Variants in MID1 observed in about 807,000 individuals in gnomAD.
MID1 encodes midline 1, also known as E3 ubiquitin-protein ligase Midline-1.
Under a neutral mutation model 40.4 loss-of-function variants are expected in MID1, and 7 were observed. The observed-to-expected ratio is 0.17, with a 90% CI of 0.10 to 0.33. The LOEUF (loss-of-function observed/expected upper bound fraction) is 0.33, where lower values mean the gene tolerates loss of function less well. Among genes scored for constraint, MID1 ranks in the 10% least tolerant of loss-of-function variants. The pLI is 1.00. For synonymous variants in MID1, 229 were observed against 221.2 expected, an observed-to-expected ratio of 1.04 and a Z score of -0.31; for missense variants, 367 against 558.5, an observed-to-expected ratio of 0.66 and a Z score of 3.46.
intron 1 of MID1, among the ~76,000 whole-genome samples, chrX:10,789,551 G>A (rs1306346232): frequency 8.9e-6 from 1 of 112,336 alleles, no homozygotes; most frequent in Non-Finnish European, 1.9e-5. Context: ...CACATGCTGT[G>A]CAGGTTTGTA....
intron 2 of MID1, among the ~76,000 whole-genome samples, chrX:10,558,590 AT>A (rs1934215114): frequency 8.8e-6 from 1 of 113,050 alleles, no homozygotes; most frequent in South Asian, 3.6e-4. Context: ...TGGTTAAAAA[AT>A]ATTTGGCAGT....
At chrX:10,766,749 G>A (rs1416411416) in intron 1 of MID1, among the ~76,000 whole-genome samples, 10 of 108,965 alleles carry the variant, frequency 9.2e-5, no homozygotes, top group Admixed American at 2.0e-4. Context: ...GTGAAACCTC[G>A]TCTCCATAAA....
intron 1 of MID1, among the ~76,000 whole-genome samples, chrX:10,718,476 A>C (rs1373142435): frequency 1.8e-5 from 2 of 111,634 alleles, no homozygotes; most frequent in East Asian, 2.8e-4. Context: ...TGACACATAC[A>C]CTCTCCCAAG....
chrX:10,555,915 C>T (rs1318072063), intron 2 of MID1, among the ~76,000 whole-genome samples: 1 of 110,775 alleles, frequency 9.0e-6, no homozygotes, highest in African/African-American at 3.3e-5. Flanking sequence ...AGGGCCCCTA[C>T]AGTGGAGGAG....
At chrX:10,536,267 C>G (rs1933250174) in intron 2 of MID1, among the ~76,000 whole-genome samples, 1 of 111,363 alleles carries the variant, frequency 9.0e-6, no homozygotes, top group African/African-American at 3.3e-5. Context: ...ACCTAGTATT[C>G]TGCTTCTTTG....
chrX:10,477,083 C>T (rs112213568), intron 5 of MID1, among the ~76,000 whole-genome samples: 5,026 of 111,967 alleles, frequency 0.045, 298 homozygotes, highest in African/African-American at 0.16. Flanking sequence ...CCATTTGAAC[C>T]CTTAAAAGAT....
chrX:10,628,924 T>C (rs1440326365), intron 1 of MID1, among the ~76,000 whole-genome samples: 1 of 111,801 alleles, frequency 8.9e-6, no homozygotes, highest in Non-Finnish European at 1.9e-5. Context: ...AATCCATCTC[T>C]CAAACTCGAG....
chrX:10,762,795 T>C, intron 1 of MID1, among the ~76,000 whole-genome samples: 1 of 111,627 alleles, frequency 9.0e-6, no homozygotes, highest in Non-Finnish European at 1.9e-5. Context: ...ACGTATTCCT[T>C]AAATATGTTC....
rs755095550 is a variant in MID1 at position 10,593,313 on chromosome X, T to C, written c.-56-25710A>G. On this transcript the variant is annotated intron_variant, in intron 1 of 9. Coordinates refer to ENST00000317552, the MANE Select transcript of MID1 (RefSeq NM_000381.4). ...AAAGACTATGGAATACTTTGAGAAA[T>C]ATATAAACTAATTGAGAAAGCACTA... Among the ~76,000 whole-genome samples the C allele has an allele frequency of 2.7e-5, 3 of 112,089 alleles. No homozygotes were observed. The Admixed American group carries it at 2.8e-4, about 11-fold the overall frequency.
At chrX:10,736,341 T>C (rs1322439887) in intron 1 of MID1, among the ~76,000 whole-genome samples, 1 of 112,437 alleles carries the variant, frequency 8.9e-6, no homozygotes, top group Non-Finnish European at 1.9e-5. Flanking sequence ...TGGGAGGGGT[T>C]GTTTTTGAAG....
intron 9 of MID1, among the ~76,000 whole-genome samples, chrX:10,452,353 A>C (rs144953744): frequency 0.017 from 1,915 of 112,372 alleles, 39 homozygotes; most frequent in African/African-American, 0.054. Flanking sequence ...TGTATAGTCC[A>C]TTAAGCAAAG....
chrX:10,753,378 G>GA (rs1180480301), intron 1 of MID1, among the ~76,000 whole-genome samples: 17 of 105,081 alleles, frequency 1.6e-4, no homozygotes, highest in East Asian at 3.0e-4. Flanking sequence ...ATTTCCACTG[G>GA]AAAAAAAAAA....
chrX:10,703,819 A>G (rs1416399438), intron 1 of MID1, among the ~76,000 whole-genome samples: 1 of 112,179 alleles, frequency 8.9e-6, no homozygotes, highest in South Asian at 3.7e-4. Flanking sequence ...CTTTTTTCCA[A>G]TATAATTTTC....
intron 2 of MID1, among the ~76,000 whole-genome samples, chrX:10,552,226 T>C (rs1386757294): frequency 9.0e-6 from 1 of 110,942 alleles, no homozygotes; most frequent in African/African-American, 3.3e-5. Flanking sequence ...AAAAGTTAAA[T>C]TAGAGTAGTC....
At chrX:10,599,575 G>A (rs772184808) in intron 1 of MID1, among the ~76,000 whole-genome samples, 3 of 112,222 alleles carry the variant, frequency 2.7e-5, no homozygotes, top group East Asian at 2.8e-4. Context: ...AACTTTCCCA[G>A]TATTTTATCA....
chrX:10,760,278 C>G (rs754329789), intron 1 of MID1, among the ~76,000 whole-genome samples: 1 of 111,513 alleles, frequency 9.0e-6, no homozygotes, highest in African/African-American at 3.3e-5. Context: ...ATACTGCTCA[C>G]GTTTCTCTTT....
intron 1 of MID1, among the ~76,000 whole-genome samples, chrX:10,583,923 CGGGAGGCTGA>C (rs1346541885): frequency 9.1e-6 from 1 of 109,501 alleles, no homozygotes; most frequent in Non-Finnish European, 1.9e-5. Flanking sequence ...CCCAGCTACT[CGGGAGGCTGA>C]GGCAGGAGAA....
chrX:10,655,016 A>G (rs1270296975), intron 1 of MID1, among the ~76,000 whole-genome samples: 1 of 112,434 alleles, frequency 8.9e-6, no homozygotes, highest in Non-Finnish European at 1.9e-5. Context: ...AAACACAACG[A>G]ACAAGGAAAT....
At chrX:10,796,684 C>A (rs1318126284) in intron 1 of MID1, among the ~76,000 whole-genome samples, 1 of 110,218 alleles carries the variant, frequency 9.1e-6, no homozygotes, top group African/African-American at 3.3e-5. Flanking sequence ...ATGGTAGGTG[C>A]GTACCTAGCA....
Sources: gnomAD v4.1 joint callset for allele counts (sites outside exome capture counted in the v4.1 genomes callset) on GRCh38, gnomAD v4.1.1 for gene constraint, MANE v1.5 for transcripts, NCBI Gene and HGNC (gene_info 2026-07-23, HGNC 2026-07-21) for gene names.